KAZN: variants seen among roughly 807,000 people sequenced by gnomAD.
KAZN encodes kazrin, periplakin interacting protein.
A neutral mutation model predicts 87.4 loss-of-function variants in KAZN; 40 were observed. The ratio of observed to expected loss-of-function variants is 0.46; its 90% CI spans 0.36 to 0.60. KAZN has a LOEUF of 0.60. KAZN is among the 20% of genes least tolerant of loss of function. The pLI, the probability that KAZN is intolerant of heterozygous loss-of-function variation, is 0.00. For synonymous variants in KAZN, 466 were observed against 458.3 expected (o/e 1.02, Z -0.22); for missense variants, 898 against 1,073.9 (o/e 0.84, Z 2.29).
At chr1:15,036,445 T>G (rs1316939488) in intron 3 of KAZN, among the ~76,000 whole-genome samples, 1 of 150,574 alleles carries the variant, frequency 6.6e-6, no homozygotes, top group Non-Finnish European at 1.5e-5. Flanking sequence ...TGGCTCCCTT[T>G]CATATTAGAT....
At chr1:14,543,215 C>T (rs1672924889) in intron 2 of KAZN, among the ~76,000 whole-genome samples, 1 of 152,108 alleles carries the variant, frequency 6.6e-6, no homozygotes, top group African/African-American at 2.4e-5. Flanking sequence ...AATCTACATC[C>T]TAGGGGCAGT....
chr1:14,537,062 C>T lies in KAZN; in HGVS notation c.250-61921C>T, dbSNP rs1032868317. Among the ~76,000 whole-genome samples the T allele has an allele frequency of 1.1e-4, 16 of 152,202 alleles. No homozygotes were observed. In the East Asian group the frequency reaches 3.1e-3, roughly 29 times the overall value. On this transcript the variant is annotated intron_variant, in intron 2 of 16. Coordinates refer to the KAZN transcript ENST00000636203. ...AGTCCAGCACTAGCGTGGTGTCTTG[C>T]ATCCAGAAGGTACTCAGTAAATATT...
Position 14,486,127 on chromosome 1 carries a change from C to T in KAZN, c.250-112856C>T, listed in dbSNP as rs1476047587. ...TAAGCTCCACTTTGGGGCTCGCCTG[C>T]CCTGCATCATTTAGAGTTCACTTTT... On this transcript the variant is annotated intron_variant, in intron 2 of 16. Coordinates refer to the KAZN transcript ENST00000636203. Among the ~76,000 whole-genome samples, 3 of 152,146 alleles carry T rather than the reference C, an allele frequency of 2.0e-5. 1 individual carries two copies. The highest frequency in any genetic ancestry group is 4.1e-4 in the South Asian group (2 of 4,822).
chr1:14,090,184 G>A (rs1643942948), intron 1 of KAZN, among the ~76,000 whole-genome samples: 1 of 151,986 alleles, frequency 6.6e-6, no homozygotes, highest in South Asian at 2.1e-4. Flanking sequence ...AAAATGTTTA[G>A]CCATTATTTA....
rs1365364925 is a variant in KAZN at position 14,401,012 on chromosome 1, C to T, written c.250-197971C>T. On this transcript the variant is annotated intron_variant, in intron 2 of 16. Transcript: ENST00000636203. The stretch of plus-strand genomic sequence containing the variant: ...AAGGCCTTGTGCTAGGAATTTTGTT[C>T]CAAAAACAAGGAAGCATAAATGCTG... 2.6e-5 allele frequency among the ~76,000 whole-genome samples: 4 copies of T among 152,082 alleles called. No individual in the cohort carries two copies. In the East Asian group the frequency reaches 5.8e-4, roughly 22 times the overall value.
intron 1 of KAZN, among the ~76,000 whole-genome samples, chr1:13,932,258 ATTTT>A (rs1553175095): frequency 2.3e-5 from 1 of 43,120 alleles, no homozygotes; most frequent in Non-Finnish European, 5.4e-5. Context: ...CTTATTAAAC[ATTTT>A]TTTTTTTTTT....
intron 1 of KAZN, chr1:14,924,053 G>T: frequency 1.1e-6 from 1 of 898,952 alleles, no homozygotes; most frequent in South Asian, 4.9e-5. Context: ...GCGGCGGGGC[G>T]GGGGCGGGGC....
At chr1:14,940,898 CTTT>C (rs66777443) in intron 1 of KAZN, among the ~76,000 whole-genome samples, 2,367 of 54,080 alleles carry the variant, frequency 0.044, 95 homozygotes, top group African/African-American at 0.16. Flanking sequence ...TTCTACCTTT[CTTT>C]TTTTTTTTTT....
At position 14,130,305 on chromosome 1, in the gene KAZN, T is replaced by C. The variant is rs565629171; in HGVS notation, c.92-50130T>C. On this transcript the variant is annotated intron_variant, in intron 1 of 16. Coordinates refer to the KAZN transcript ENST00000636203. The stretch of plus-strand genomic sequence containing the variant: ...GCCATCAGTGGGGACTTCACTCCCA[T>C]CTGTAGTGTGTTCCCGCTAACCATG... 3.3e-5 allele frequency among the ~76,000 whole-genome samples: 5 copies of C among 152,326 alleles called. No homozygotes were observed. The South Asian group carries it at 1.0e-3, about 32-fold the overall frequency.
chr1:14,667,874 T>G (rs1276280153), intron 1 of KAZN, among the ~76,000 whole-genome samples: 1 of 151,222 alleles, frequency 6.6e-6, no homozygotes, highest in African/African-American at 2.4e-5. Context: ...CAACTCGGAG[T>G]GATCAAATCG....
intron 2 of KAZN, among the ~76,000 whole-genome samples, chr1:14,196,563 G>A (rs1205154884): frequency 6.6e-6 from 1 of 152,092 alleles, no homozygotes; most frequent in East Asian, 1.9e-4. Context: ...GCATCTGGAA[G>A]AATCGAGAAG....
At chr1:14,924,165 C>T in intron 1 of KAZN, 5 of 982,112 alleles carry the variant, frequency 5.1e-6, no homozygotes, top group Non-Finnish European at 6.0e-6. Flanking sequence ...CGGCCGAATT[C>T]CTCGCGTGCA....
At chr1:14,226,514 A>AT (rs1444989218) in intron 2 of KAZN, among the ~76,000 whole-genome samples, 1 of 152,184 alleles carries the variant, frequency 6.6e-6, no homozygotes, top group Non-Finnish European at 1.5e-5. Flanking sequence ...AGAACTTAAA[A>AT]TAGAACTACG....
intron 8 of KAZN, among the ~76,000 whole-genome samples, chr1:15,092,451 ATTTGT>A (rs148459798): frequency 0.11 from 16,357 of 149,868 alleles, 1,126 homozygotes; most frequent in Middle Eastern, 0.21. Flanking sequence ...GTGTGTTTTT[ATTTGT>A]TTTGTTTTGT....
chr1:14,566,439 C>T (rs1048807053), intron 2 of KAZN, among the ~76,000 whole-genome samples: 26 of 152,100 alleles, frequency 1.7e-4, no homozygotes, highest in African/African-American at 5.6e-4. Flanking sequence ...TCTTAAGGGC[C>T]CTAGGATATT....
At chr1:14,259,194 C>T (rs1239533592) in intron 2 of KAZN, among the ~76,000 whole-genome samples, 1 of 152,076 alleles carries the variant, frequency 6.6e-6, no homozygotes, top group Admixed American at 6.5e-5. Context: ...TGGCTCCGCA[C>T]TTGGTGTCGG....
At chr1:14,910,492 G>A (rs114234925) in intron 1 of KAZN, among the ~76,000 whole-genome samples, 3 of 152,262 alleles carry the variant, frequency 2.0e-5, no homozygotes, top group East Asian at 1.9e-4. Context: ...TAGATGCCAG[G>A]AGCAGTCCCC....
At chr1:14,690,018 G>T (rs931838627) in intron 1 of KAZN, among the ~76,000 whole-genome samples, 4 of 152,134 alleles carry the variant, frequency 2.6e-5, no homozygotes, top group African/African-American at 9.7e-5. Flanking sequence ...GGGTTCCTAA[G>T]CCCTGCTCTA....
intron 2 of KAZN, among the ~76,000 whole-genome samples, chr1:14,549,666 A>T (rs1031565712): frequency 1.2e-4 from 17 of 145,126 alleles, no homozygotes; most frequent in African/African-American, 3.6e-4. Context: ...CTTGGACAAT[A>T]GGTAATCCAC....
Sources: allele counts gnomAD v4.1 joint callset (sites outside exome capture counted in the v4.1 genomes callset), GRCh38; gene constraint gnomAD v4.1.1; transcripts MANE v1.5; gene names NCBI Gene and HGNC (gene_info 2026-07-23, HGNC 2026-07-21).